Variants in INSC observed in about 807,000 individuals in gnomAD.
The protein encoded by INSC is INSC spindle orientation adaptor protein.
A neutral mutation model predicts 58.6 loss-of-function variants in INSC; 67 were observed. The observed-to-expected ratio is 1.14, with a 90% confidence interval of 0.94 to 1.40. The LOEUF is 1.40. Among genes scored for constraint, INSC ranks in the 40% most tolerant of loss-of-function variants. The pLI, the probability that INSC is intolerant of heterozygous loss-of-function variation, is 0.00. For synonymous variants in INSC, 262 were observed against 276.1 expected (o/e 0.95, Z 0.51); for missense variants, 714 against 692.0 (o/e 1.03, Z -0.36).
chr11:15,138,180 C>A (rs377133526), intron 1 of INSC, among the ~76,000 whole-genome samples: 1 of 135,638 alleles, frequency 7.4e-6, no homozygotes, highest in African/African-American at 2.8e-5. Context: ...GTGACCCCCC[C>A]AAAACAACTA....
At chr11:15,130,479 G>T (rs1848100432) in intron 1 of INSC, among the ~76,000 whole-genome samples, 1 of 152,074 alleles carries the variant, frequency 6.6e-6, no homozygotes, top group South Asian at 2.1e-4. Context: ...AGTGGATTTT[G>T]CTTGCTAGTA....
rs998095598 is a variant in INSC at position 15,246,836 on chromosome 11, A to G, written c.*796A>G. On this transcript the variant is annotated 3_prime_UTR_variant, in exon 13 of 13. Coordinates refer to ENST00000379556, the MANE Select transcript of INSC (RefSeq NM_001042536.3). The stretch of plus-strand genomic sequence containing the variant: ...GATTCCTCCTCAAAAGTATACTTGA[A>G]AGCAGTGGTGTGCTGAAGCCAGCTC... The G allele has an allele frequency of 5.9e-5, 9 of 152,192 alleles. No individual in the cohort carries two copies. The highest frequency in any genetic ancestry group is 2.2e-4 in the African/African-American group (9 of 41,438). 9.4% of individuals were successfully genotyped at this position (152,192 alleles called of 1,614,324 possible).
At chr11:15,147,410 A>G (rs1848521067) in intron 1 of INSC, among the ~76,000 whole-genome samples, 1 of 152,232 alleles carries the variant, frequency 6.6e-6, no homozygotes, top group Non-Finnish European at 1.5e-5. Context: ...AGCTGAGCAC[A>G]TAGCAGACTC....
At chr11:15,210,870 G>T (rs192067072) in intron 7 of INSC, among the ~76,000 whole-genome samples, 17 of 152,172 alleles carry the variant, frequency 1.1e-4, no homozygotes, top group Admixed American at 8.5e-4. Flanking sequence ...TGAAGGTTTA[G>T]GGTAGAATTT....
At chr11:15,238,777 G>A in intron 10 of INSC, 142 bp from the exon 11 acceptor site, 1 of 743,808 alleles carries the variant, frequency 1.3e-6, no homozygotes, top group Non-Finnish European at 2.2e-6. Flanking sequence ...GAACAGCCTT[G>A]TCCAGCTTCC....
At chr11:15,188,519 T>C (rs1280126831) in intron 5 of INSC, among the ~76,000 whole-genome samples, 4 of 152,218 alleles carry the variant, frequency 2.6e-5, no homozygotes, top group Non-Finnish European at 5.9e-5. Flanking sequence ...TTTCCGGCTC[T>C]GACACATGGT....
chr11:15,177,896 T>C (rs2133828434), intron 4 of INSC, among the ~76,000 whole-genome samples: 1 of 152,244 alleles, frequency 6.6e-6, no homozygotes, highest in East Asian at 1.9e-4. Flanking sequence ...TAGGCAGCCA[T>C]TTCTTAAAGG....
At chr11:15,242,408 T>A (rs899741099) in intron 12 of INSC, among the ~76,000 whole-genome samples, 1 of 152,176 alleles carries the variant, frequency 6.6e-6, no homozygotes, top group African/African-American at 2.4e-5. Context: ...CCCTCCCTAA[T>A]CCATTCTCCG....
chr11:15,172,871 C>T (rs900413902), intron 2 of INSC, among the ~76,000 whole-genome samples: 4 of 151,960 alleles, frequency 2.6e-5, no homozygotes, highest in Non-Finnish European at 5.9e-5. Flanking sequence ...CTCATCTTAG[C>T]CTCAGGAGTT....
intron 9 of INSC, among the ~76,000 whole-genome samples, chr11:15,233,421 C>T (rs1851999451): frequency 6.6e-6 from 1 of 152,168 alleles, no homozygotes; most frequent in South Asian, 2.1e-4. Context: ...CCTCTTTCCC[C>T]TCTATGTTAT....
chr11:15,116,837 C>CTT (rs1386489628), intron 1 of INSC, among the ~76,000 whole-genome samples: 1 of 42,460 alleles, frequency 2.4e-5, no homozygotes, highest in Non-Finnish European at 4.3e-5. Flanking sequence ...TTCTTTCTTT[C>CTT]TTTCTTTCTT....
At chr11:15,138,173 AC>A (rs56278145) in intron 1 of INSC, among the ~76,000 whole-genome samples, 152,175 of 152,178 alleles carry the variant, frequency 1, 76,086 homozygotes, top group Middle Eastern at 1. Context: ...GCAATTTGTG[AC>A]CCCCCCAAAA....
At chr11:15,241,919 T>A (rs555485509) in intron 12 of INSC, among the ~76,000 whole-genome samples, 3 of 152,200 alleles carry the variant, frequency 2.0e-5, no homozygotes, top group East Asian at 3.9e-4. Flanking sequence ...TTCAACAACT[T>A]TCACGGGCTG....
intron 10 of INSC, among the ~76,000 whole-genome samples, 162 bp downstream of exon 10, chr11:15,235,830 C>T (rs142878490): frequency 9.9e-5 from 15 of 151,908 alleles, no homozygotes; most frequent in East Asian, 7.8e-4. Context: ...CAGAGGTGGG[C>T]GGATCAACTG....
intron 9 of INSC, among the ~76,000 whole-genome samples, chr11:15,230,892 C>G (rs1333969541): frequency 1.3e-5 from 2 of 152,108 alleles, no homozygotes; most frequent in Non-Finnish European, 2.9e-5. Context: ...GCCCACCAGT[C>G]TTGCCACTTT....
Position 15,246,409 on chromosome 11 carries a change from GT to G in INSC, c.*379del, listed in dbSNP as rs57701913. 907 of 152,022 alleles carry G rather than the reference GT, an allele frequency of 6.0e-3. 9 individuals carry two copies. Among genetic ancestry groups the G allele is most frequent in the African/African-American group, 0.02 (824 of 40,934 alleles). 9.4% of individuals were successfully genotyped at this position (152,022 alleles called of 1,614,324 possible). A position where few individuals can be genotyped will look rare whatever the true frequency, so the allele number is the denominator to read the frequency against. On this transcript the variant is annotated 3_prime_UTR_variant, in exon 13 of 13. Coordinates refer to ENST00000379556, the MANE Select transcript of INSC (RefSeq NM_001042536.3). The stretch of plus-strand genomic sequence containing the variant: ...CCAGAGGATTTCAACTGCCTAGCAA[GT>G]TTTTTTTTTAAGTTGGATTTGCTCT...
At chr11:15,233,623 G>A (rs1212813180) in intron 9 of INSC, among the ~76,000 whole-genome samples, 1 of 152,180 alleles carries the variant, frequency 6.6e-6, no homozygotes, top group Non-Finnish European at 1.5e-5. Context: ...TGGTGCCTGT[G>A]ACACGGCTAA....
intron 9 of INSC, among the ~76,000 whole-genome samples, chr11:15,233,283 G>A (rs1488192446): frequency 3.9e-5 from 6 of 152,174 alleles, no homozygotes; most frequent in Non-Finnish European, 8.8e-5. Flanking sequence ...ATTAGCCTGG[G>A]TTGGGGAAAC....
At position 15,235,591 on chromosome 11, in the gene INSC, A is replaced by G; in HGVS notation, c.1171-11A>G. Reference sequence around the variant, plus strand: ...GCTCATTTTCTGAGGTTTCTAAATTATCTTTTCCAGATTGTGACCATCTTG... The same window carrying G: ...GCTCATTTTCTGAGGTTTCTAAATTGTCTTTTCCAGATTGTGACCATCTTG... On this transcript the variant is annotated splice_polypyrimidine_tract_variant and intron_variant, in intron 9 of 12. Transcript: ENST00000379556. 6.2e-7 allele frequency: 1 copy of G among 1,611,624 alleles called. No homozygotes were observed. Among genetic ancestry groups the G allele is most frequent in the Middle Eastern group, 1.6e-4 (1 of 6,062 alleles).
Sources: gnomAD v4.1 joint callset for allele counts (sites outside exome capture counted in the v4.1 genomes callset) on GRCh38, gnomAD v4.1.1 for gene constraint, MANE v1.5 for transcripts, NCBI Gene and HGNC (gene_info 2026-07-23, HGNC 2026-07-21) for gene names.